The following LHX3 variants were observed in gnomAD, a reference collection of about 807,000 sequenced individuals.
The protein encoded by LHX3 is LIM/homeobox protein Lhx3.
LHX3 carries 21 observed loss-of-function variants against 32.4 expected under a neutral mutation model. The ratio of observed to expected loss-of-function variants is 0.65; its 90% CI spans 0.46 to 0.93. The LOEUF is 0.93. Ranked by LOEUF, LHX3 falls within the 40% of genes least tolerant of loss-of-function variation. The pLI is 0.00. For synonymous variants in LHX3, 258 were observed against 246.8 expected, an observed-to-expected ratio of 1.05 and a Z score of -0.43; for missense variants, 626 against 560.0, an observed-to-expected ratio of 1.12 and a Z score of -1.19.
In LHX3 at chr9:136,199,809, T is replaced by A. The variant is rs767030645; in HGVS notation, c.323A>T (p.Asp108Val). ...AAAGCAGTGCAGGTGGTACACGAAG[T>A]CCTGGGCGCGGCGCACCACCTGCGT... ...PPTQVVRRAQ[D>V]FVYHLHCFAC... The change falls in exon 3 of 6, where the codon GAC becomes GTC. Residue 108 changes from aspartate (D) to valine (V), a missense_variant. By Grantham distance (152) the Asp-to-Val change is radical. Coordinates refer to ENST00000371748, the MANE Select transcript of LHX3 (RefSeq NM_178138.6). The A allele has an allele frequency of 5.0e-6, 8 of 1,612,104 alleles. No homozygotes were observed. Among genetic ancestry groups the A allele is most frequent in the Non-Finnish European group, 6.8e-6 (8 of 1,179,532 alleles).
At chr9:136,201,598 A>T in intron 1 of LHX3, 1 of 1,018,836 alleles carries the variant, frequency 9.8e-7, no homozygotes, top group East Asian at 8.9e-5. Context: ...GTGCCCGCTG[A>T]AGGGACCGGG....
At chr9:136,201,204 G>A in intron 1 of LHX3, 1 of 1,332,154 alleles carries the variant, frequency 7.5e-7, no homozygotes, top group South Asian at 2.4e-5. Flanking sequence ...TTCATGTTAA[G>A]CGTCATGGCC....
At chr9:136,202,316 G>A (rs1277156457) in intron 1 of LHX3, among the ~76,000 whole-genome samples, 1 of 152,126 alleles carries the variant, frequency 6.6e-6, no homozygotes, top group African/African-American at 2.4e-5. Context: ...TCCCCATCCT[G>A]CGGCTCCAGC....
intron 2 of LHX3, 89 bp from the exon 3 acceptor site, chr9:136,199,969 G>A: frequency 7.4e-7 from 1 of 1,359,422 alleles, no homozygotes; most frequent in Non-Finnish European, 1.0e-6. Context: ...GGCTGCCTGG[G>A]AAGGCGGCCC....
chr9:136,197,016 GGTGACATTTCAT>G lies in LHX3; in HGVS notation c.*297_*308del. 2.0e-6 allele frequency: 1 copy of G among 506,508 alleles called. No homozygotes were observed. Among genetic ancestry groups the G allele is most frequent in the Non-Finnish European group, 3.6e-6 (1 of 280,752 alleles). The allele number at this position is 506,508 out of a possible 1,614,324, so 31.4% of individuals were successfully genotyped here. A position where few individuals can be genotyped will look rare whatever the true frequency, so the allele number is the denominator to read the frequency against. ...GCTGGGCTGGGCTGGGCCTCAGCAA[GGTGACATTTCAT>G]GTCTAGAAATAGCAGCAAGTGCTCA... is the stretch of plus-strand genomic sequence containing the variant. On this transcript the variant is annotated 3_prime_UTR_variant, in exon 6 of 6. Coordinates refer to ENST00000371748, the MANE Select transcript of LHX3 (RefSeq NM_178138.6).
intron 2 of LHX3, 109 bp from the exon 3 acceptor site, chr9:136,199,989 G>A (rs754864930): frequency 1.2e-5 from 14 of 1,177,166 alleles, no homozygotes; most frequent in Admixed American, 6.0e-5. Flanking sequence ...CCGGAGGAAG[G>A]CTCTGTCCGG....
Position 136,198,930 on chromosome 9 carries a change from C to A in LHX3, c.584G>T (p.Gly195Val). 6.3e-7 allele frequency: 1 copy of A among 1,588,654 alleles called. No homozygotes were observed. Among genetic ancestry groups the A allele is most frequent in the Non-Finnish European group, 8.5e-7 (1 of 1,172,008 alleles). ...HVREQLSSETGLDMRVVQVWF... is the reference protein window; with the variant it reads ...HVREQLSSETVLDMRVVQVWF... ...GACCTGCACCACGCGCATGTCCAGG[C>A]CCGTCTCGGACGAGAGCTGCTCGCG... Residue 195 changes from glycine (G) to valine (V), a missense_variant, in exon 4 of 6, where the codon GGC (glycine) becomes GTC (valine). Physicochemically the swap from Gly to Val is moderately radical, Grantham distance 109. Transcript: ENST00000371748.
In LHX3 at chr9:136,204,967, C is replaced by T. The variant is rs1831723857; in HGVS notation, c.46G>A (p.Ala16Thr). The T allele has an allele frequency of 1.3e-6, 2 of 1,598,130 alleles. No individual in the cohort carries two copies. Among genetic ancestry groups the T allele is most frequent in the Non-Finnish European group, 8.5e-7 (1 of 1,175,526 alleles). ...CCGCCCAAGGTGCAGACGGCGGCGG[C>T]CCCGGGCCTCGCTCGGTCGCGCTCG... ...GLERDRARPG[A>T]AAVCTLGGTR... Residue 16 changes from alanine (A) to threonine (T), a missense_variant, in exon 1 of 6, where the codon GCC (alanine) becomes ACC (threonine). By Grantham distance (58) the Ala-to-Thr change is moderately conservative (BLOSUM62 0). Coordinates refer to ENST00000371748, the MANE Select transcript of LHX3 (RefSeq NM_178138.6).
chr9:136,201,830 C>CG (rs1285966247), intron 1 of LHX3, among the ~76,000 whole-genome samples: 2 of 152,202 alleles, frequency 1.3e-5, no homozygotes, highest in Non-Finnish European at 1.5e-5. Flanking sequence ...GCTGCGCGCC[C>CG]GGGGTCCCCA....
In LHX3 at chr9:136,199,692, G is replaced by T; in HGVS notation, c.440C>A (p.Thr147Asn). Residue 147 changes from threonine to asparagine, a missense_variant, in exon 3 of 6, where the codon ACC (threonine) becomes AAC (asparagine). Physicochemically the swap from Thr to Asn is moderately conservative, Grantham distance 65. Coordinates refer to ENST00000371748, the MANE Select transcript of LHX3 (RefSeq NM_178138.6). Reference protein sequence around the residue: ...SRLVCKADYETAKQREAEATA... With the variant: ...SRLVCKADYENAKQREAEATA... ...CCTCGGCTGACCTCGCTGCTTGGCG[G>T]TTTCGTAGTCCGCCTTGCACACGAG... The T allele has an allele frequency of 6.2e-7, 1 of 1,612,920 alleles. No homozygotes were observed. The highest frequency in any genetic ancestry group is 8.5e-7 in the Non-Finnish European group (1 of 1,179,882).
At chr9:136,200,217 G>A (rs993218076) in intron 2 of LHX3, 2 of 555,458 alleles carry the variant, frequency 3.6e-6, no homozygotes, top group Non-Finnish European at 6.5e-6. Flanking sequence ...GGCCAGAGCC[G>A]CTGGGTGCCA....
rs1831537407 is a variant in LHX3 at position 136,197,881 on chromosome 9, CTTCTACTG to C, written c.776-146_776-139del. On this transcript the variant is annotated intron_variant, in intron 5 of 5. Transcript: ENST00000371748. Reference sequence around the variant, plus strand: ...CCACATGACAGGTCATAACAGGCCCCTTCTACTGTTGGAGCATGGCTGCCCCTGCCCCT... The same window carrying C: ...CCACATGACAGGTCATAACAGGCCCCTTGGAGCATGGCTGCCCCTGCCCCT... The C allele has an allele frequency of 9.0e-6, 8 of 893,170 alleles. No homozygotes were observed. The East Asian group carries it at 2.1e-4, about 24-fold the overall frequency. 55.3% of individuals were successfully genotyped at this position (893,170 alleles called of 1,614,324 possible).
intron 1 of LHX3, among the ~76,000 whole-genome samples, chr9:136,202,712 C>T (rs535590917): frequency 6.6e-6 from 1 of 152,334 alleles, no homozygotes; most frequent in South Asian, 2.1e-4. Flanking sequence ...CCTGGACCCC[C>T]GAGAGCTCCC....
chr9:136,201,354 A>C (rs946635782), intron 1 of LHX3: 7 of 1,241,924 alleles, frequency 5.6e-6, no homozygotes, highest in Non-Finnish European at 7.0e-6. Context: ...AAGCCGATCC[A>C]CTGCCTTTGT....
intron 5 of LHX3, 54 bp downstream of exon 5, chr9:136,198,598 G>A (rs1471261706): frequency 4.5e-6 from 7 of 1,538,760 alleles, no homozygotes; most frequent in Non-Finnish European, 5.2e-6. Flanking sequence ...GGACCCCTGC[G>A]ACCCCGCCGA....
chr9:136,200,716 C>T lies in LHX3; in HGVS notation c.117G>A (p.Leu39=). 1 of 1,613,578 alleles carries T rather than the reference C, an allele frequency of 6.2e-7. No individual in the cohort carries two copies. ...CCAGAGCCTTGAGGATGAAGCGGTC[C>T]AGGATGTGCTGGTCACAGCCAGCGC... ...PLCAGCDQHI[L]DRFILKALDR... The change falls in exon 2 of 6, where the codon CTG becomes CTA. Residue 39 remains leucine, a synonymous_variant. Transcript: ENST00000371748.
chr9:136,196,986 GC>G lies in LHX3; in HGVS notation c.*338del, dbSNP rs915230152. The G allele has an allele frequency of 3.2e-5, 13 of 400,684 alleles. No homozygotes were observed. Among genetic ancestry groups the G allele is most frequent in the Admixed American group, 1.6e-4 (4 of 24,410 alleles). 24.8% of individuals were successfully genotyped at this position (400,684 alleles called of 1,614,324 possible). A position where few individuals can be genotyped will look rare whatever the true frequency, so the allele number is the denominator to read the frequency against. ...ATGAAAGCGTTTTTCCAGCCCTCGG[GC>G]TATGCTGGGCTGGGCTGGGCCTCAG... On this transcript the variant is annotated 3_prime_UTR_variant, in exon 6 of 6. Coordinates refer to ENST00000371748, the MANE Select transcript of LHX3 (RefSeq NM_178138.6).
intron 4 of LHX3, 44 bp from the exon 5 acceptor site, chr9:136,198,864 C>A (rs761843669): frequency 1.8e-5 from 28 of 1,592,702 alleles, no homozygotes; most frequent in Non-Finnish European, 2.1e-5. Flanking sequence ...TCTGCGGGGG[C>A]CCCCAAGGCC....
At position 136,204,934 on chromosome 9, in the gene LHX3, C is replaced by T. The variant is rs376795779; in HGVS notation, c.79G>A (p.Glu27Lys). The change falls in exon 1 of 6, where the codon GAG (glutamate) becomes AAG (lysine). Residue 27 changes from glutamate to lysine, a missense_variant and splice_region_variant. By Grantham distance (56) the Glu-to-Lys change is moderately conservative. Coordinates refer to ENST00000371748, the MANE Select transcript of LHX3 (RefSeq NM_178138.6). The part of the protein sequence containing the change: ...AAVCTLGGTR[E>K]IPLCAGCDQH... Reference sequence around the variant, plus strand: ...TCCTCAGTGTCCTGCTGGGGCTTACCCCGAGTCCCGCCCAAGGTGCAGACG... The same window carrying T: ...TCCTCAGTGTCCTGCTGGGGCTTACTCCGAGTCCCGCCCAAGGTGCAGACG... 1 of 1,597,770 alleles carries T rather than the reference C, an allele frequency of 6.3e-7. No homozygotes were observed. The highest frequency in any genetic ancestry group is 8.5e-7 in the Non-Finnish European group (1 of 1,173,658).
Sources: gnomAD v4.1 joint callset for allele counts (sites outside exome capture counted in the v4.1 genomes callset) on GRCh38, gnomAD v4.1.1 for gene constraint, MANE v1.5 for transcripts, NCBI Gene and HGNC (gene_info 2026-07-23, HGNC 2026-07-21) for gene names.